The following IGF1R variants were observed in gnomAD, a reference collection of about 807,000 sequenced individuals.
The protein encoded by IGF1R is insulin-like growth factor 1 receptor.
A neutral mutation model predicts 144.6 loss-of-function variants in IGF1R; 44 were observed. That is an observed-to-expected ratio of 0.30 (90% CI 0.24 to 0.39). The LOEUF (loss-of-function observed/expected upper bound fraction) is 0.39. Among genes scored for constraint, IGF1R ranks in the 10% least tolerant of loss-of-function variants. IGF1R has a pLI of 1.00. For missense variants in IGF1R, 1,355 were observed against 1,833.7 expected (o/e 0.74, Z 4.77); for synonymous variants, 795 against 722.8 (o/e 1.10, Z -1.60).
At chr15:98,827,278 C>G (rs2056911512) in intron 2 of IGF1R, among the ~76,000 whole-genome samples, 1 of 152,188 alleles carries the variant, frequency 6.6e-6, no homozygotes, top group African/African-American at 2.4e-5. Context: ...TTTTTAGCCA[C>G]CTTGGAATCC....
intron 2 of IGF1R, among the ~76,000 whole-genome samples, chr15:98,713,223 C>A (rs2054036356): frequency 6.6e-6 from 1 of 152,100 alleles, no homozygotes; most frequent in South Asian, 2.1e-4. Flanking sequence ...ACTTTTTGCC[C>A]CACTGTAAAT....
intron 2 of IGF1R, among the ~76,000 whole-genome samples, chr15:98,716,788 C>G (rs2054127655): frequency 5.2e-5 from 1 of 19,300 alleles, no homozygotes. Context: ...AAGGGTGAGT[C>G]TTAGGCAGGG....
At chr15:98,765,129 A>G (rs1337473826) in intron 2 of IGF1R, among the ~76,000 whole-genome samples, 1 of 152,082 alleles carries the variant, frequency 6.6e-6, no homozygotes, top group Admixed American at 6.5e-5. Context: ...TCCATGTTGT[A>G]ATGTATCAGT....
rs925457120 is a variant in IGF1R, at chr15:98,961,638, G to C, written c.*4196G>C. The C allele has an allele frequency of 4.3e-6, 1 of 233,638 alleles. No homozygotes were observed. Among genetic ancestry groups the C allele is most frequent in the Non-Finnish European group, 8.5e-6 (1 of 118,074 alleles). The allele number at this position is 233,638 out of a possible 1,614,324, so 14.5% of individuals were successfully genotyped here. A position where few individuals can be genotyped will look rare whatever the true frequency, so the allele number is the denominator to read the frequency against. On this transcript the variant is annotated 3_prime_UTR_variant, in exon 21 of 21. Coordinates refer to ENST00000650285, the MANE Select transcript of IGF1R (RefSeq NM_000875.5). Reference sequence around the variant, plus strand: ...ACTGCTTGAAGTCATATGAACCACTGAGGCACATCATGGAATTGATGTGAG... The same window carrying C: ...ACTGCTTGAAGTCATATGAACCACTCAGGCACATCATGGAATTGATGTGAG...
chr15:98,909,083 G>A (rs534545918), intron 6 of IGF1R, among the ~76,000 whole-genome samples, 184 bp downstream of exon 6: 9 of 152,214 alleles, frequency 5.9e-5, no homozygotes, highest in African/African-American at 1.9e-4. Flanking sequence ...GGGCAGATAC[G>A]TGATGTATTC....
intron 1 of IGF1R, chr15:98,660,268 C>T (rs1287292653): frequency 6.6e-6 from 1 of 152,238 alleles, no homozygotes; most frequent in African/African-American, 2.4e-5. Flanking sequence ...ACAATACTAC[C>T]AGCTTGCCCT....
At chr15:98,911,068 T>C (rs1385709921) in intron 6 of IGF1R, among the ~76,000 whole-genome samples, 1 of 152,220 alleles carries the variant, frequency 6.6e-6, no homozygotes, top group Non-Finnish European at 1.5e-5. Context: ...CCCAGGTTCA[T>C]GTCCAAGTCC....
intron 2 of IGF1R, among the ~76,000 whole-genome samples, chr15:98,876,965 G>A (rs2013091220): frequency 1.3e-5 from 2 of 152,354 alleles, no homozygotes; most frequent in African/African-American, 4.8e-5. Flanking sequence ...ATGGAAAAGA[G>A]TAGTGTAGCA....
At chr15:98,948,999 T>C (rs2016665398) in intron 20 of IGF1R, among the ~76,000 whole-genome samples, 1 of 152,206 alleles carries the variant, frequency 6.6e-6, no homozygotes, top group Non-Finnish European at 1.5e-5. Context: ...TTGGCCAGAG[T>C]AATCCATCCT....
chr15:98,832,064 A>G (rs1439029066), intron 2 of IGF1R, among the ~76,000 whole-genome samples: 2 of 152,180 alleles, frequency 1.3e-5, no homozygotes, highest in East Asian at 1.9e-4. Flanking sequence ...CACTGGAAAT[A>G]GCCTTCATTC....
rs2016126574 is a variant in IGF1R, at chr15:98,935,884, C to T, written c.3297+458C>T. The stretch of plus-strand genomic sequence containing the variant: ...GTTGGAGTGTGTCCCCCCTCCACCC[C>T]GTTGTGTTTAGCTTTTCATCTCAGT... On this transcript the variant is annotated intron_variant, in intron 17 of 20. Coordinates refer to ENST00000650285, the MANE Select transcript of IGF1R (RefSeq NM_000875.5). This position sits in a 1 kb window ranked among gnomAD's most constrained non-coding sequence, Gnocchi z 4.2. 1.3e-5 allele frequency among the ~76,000 whole-genome samples: 2 copies of T among 152,110 alleles called. No individual in the cohort carries two copies. The highest frequency in any genetic ancestry group is 2.1e-4 in the South Asian group (1 of 4,824).
rs1008888100 is a variant in IGF1R at position 98,899,703 on chromosome 15, G to T, written c.1247+82G>T. 2.6e-5 allele frequency: 36 copies of T among 1,363,598 alleles called. No individual in the cohort carries two copies. In the African/African-American group the frequency reaches 5.1e-4, roughly 19 times the overall value. 84.5% of individuals were successfully genotyped at this position (1,363,598 alleles called of 1,614,324 possible). ...ATGAAACTGTGTTGCTGAGGTAAGA[G>T]CCCTCCCTGCCTTGTTAAAGAGAAG... On this transcript the variant is annotated intron_variant, in intron 5 of 20. Transcript: ENST00000650285.
intron 2 of IGF1R, among the ~76,000 whole-genome samples, chr15:98,844,569 A>C (rs556386606): frequency 6.6e-6 from 1 of 152,162 alleles, no homozygotes; most frequent in African/African-American, 2.4e-5. Context: ...TGTAAATGTA[A>C]CTGACATTTC....
chr15:98,939,426 A>G, intron 18 of IGF1R, 66 bp downstream of exon 18: 1 of 1,509,234 alleles, frequency 6.6e-7, no homozygotes, highest in Non-Finnish European at 9.2e-7. Flanking sequence ...CTTTGTTGGC[A>G]TTAGTCTGCC....
chr15:98,865,388 T>C (rs1260925489), intron 2 of IGF1R, among the ~76,000 whole-genome samples: 2 of 152,194 alleles, frequency 1.3e-5, no homozygotes, highest in Admixed American at 1.3e-4. Context: ...GGATCTGGGT[T>C]TGGAAACGCC....
intron 1 of IGF1R, among the ~76,000 whole-genome samples, chr15:98,700,340 A>G (rs1781305395): frequency 6.6e-6 from 1 of 151,988 alleles, no homozygotes; most frequent in Non-Finnish European, 1.5e-5. Context: ...GAGAATGTCA[A>G]TTTGAGAAGT....
chr15:98,707,894 A>G lies in IGF1R; in HGVS notation c.427A>G (p.Ile143Val), dbSNP rs147267535. The G allele has an allele frequency of 3.1e-6, 5 of 1,614,036 alleles. No homozygotes were observed. Among genetic ancestry groups the G allele is most frequent in the Non-Finnish European group, 4.2e-6 (5 of 1,180,040 alleles). ...LRNITRGAIR[I>V]EKNADLCYLS... ...GAACATTACTCGGGGGGCCATCAGG[A>G]TTGAGAAAAATGCTGACCTCTGTTA... Residue 143 changes from isoleucine (I) to valine (V), a missense_variant, in exon 2 of 21, where the codon ATT (isoleucine) becomes GTT (valine). By Grantham distance (29) the Ile-to-Val change is conservative. Around this residue, in one of 7 missense-constraint regions of IGF1R, gnomAD observed 75 missense variants for 160.0 expected, o/e 0.47. Coordinates refer to ENST00000650285, the MANE Select transcript of IGF1R (RefSeq NM_000875.5). This position sits in a 1 kb window ranked among gnomAD's most constrained non-coding sequence, Gnocchi z 6.7.
chr15:98,868,371 G>GC (rs1491283017), intron 2 of IGF1R, among the ~76,000 whole-genome samples: 4 of 18,564 alleles, frequency 2.2e-4, no homozygotes, highest in Non-Finnish European at 5.6e-4. Flanking sequence ...TTTTTTTTTT[G>GC]GGGGGGGGGT....
rs1389868624 is a variant in IGF1R, at chr15:98,916,137, G to T, written c.1996+6G>T. 6.2e-7 allele frequency: 1 copy of T among 1,614,100 alleles called. No homozygotes were observed. The highest frequency in any genetic ancestry group is 1.1e-5 in the South Asian group (1 of 91,066). On this transcript the variant is annotated splice_donor_region_variant and intron_variant, in intron 9 of 20. Transcript: ENST00000650285. ...GCACAATTACTGCTCCAAAGGTAAG[G>T]GTGCAGCAGCGGCCTGGACGGAGGG...
Sources: allele counts gnomAD v4.1 joint callset (sites outside exome capture counted in the v4.1 genomes callset), GRCh38; gene constraint gnomAD v4.1.1; regional missense constraint gnomAD v4.1.1; non-coding constraint Gnocchi (gnomAD v3.1); transcripts MANE v1.5; gene names NCBI Gene and HGNC (gene_info 2026-07-23, HGNC 2026-07-21).